The following ASIC2 variants were observed in gnomAD, a reference collection of about 807,000 sequenced individuals.
ASIC2 encodes the protein acid sensing ion channel subunit 2, also known as acid-sensing ion channel 2.
ASIC2 carries 25 observed loss-of-function variants against 57.3 expected under a neutral mutation model. The observed-to-expected ratio is 0.44, with a 90% CI of 0.32 to 0.61. ASIC2 has a LOEUF of 0.61. ASIC2 is among the 20% of genes least tolerant of loss of function. The probability of loss-of-function intolerance (pLI) is 0.06; values close to 1 mark genes in which losing one functional copy is unlikely to be tolerated. For synonymous variants in ASIC2, 319 were observed against 307.5 expected (o/e 1.04, Z -0.39); for missense variants, 641 against 738.1 (o/e 0.87, Z 1.52).
chr17:33,148,108 C>T (rs1050708114), intron 1 of ASIC2, among the ~76,000 whole-genome samples: 1 of 152,224 alleles, frequency 6.6e-6, no homozygotes, highest in African/African-American at 2.4e-5. Context: ...ATAACAACGC[C>T]TTGTCAGTAT....
At position 33,679,826 on chromosome 17, in the gene ASIC2, G is replaced by A. The variant is rs942773369; in HGVS notation, c.555+476152C>T. Among the ~76,000 whole-genome samples, 6 of 152,164 alleles carry A rather than the reference G, an allele frequency of 3.9e-5. No homozygotes were observed. In the South Asian group the frequency reaches 1.2e-3, roughly 32 times the overall value. On this transcript the variant is annotated intron_variant, in intron 1 of 9. Transcript: ENST00000359872. The stretch of plus-strand genomic sequence containing the variant: ...TTGTGCTTTTGGGGAGCAGAAAGAA[G>A]GTCACGGAAAAAAAACAGCGTGATT...
intron 1 of ASIC2, among the ~76,000 whole-genome samples, chr17:33,473,478 G>A (rs1008366242): frequency 2.0e-5 from 3 of 151,820 alleles, no homozygotes; most frequent in African/African-American, 4.8e-5. Flanking sequence ...CTTTGGAGGC[G>A]GGGACTTGGG....
At chr17:33,405,820 G>C (rs1375622326) in intron 1 of ASIC2, among the ~76,000 whole-genome samples, 2 of 152,100 alleles carry the variant, frequency 1.3e-5, no homozygotes, top group East Asian at 3.9e-4. Flanking sequence ...AACCAGTTCA[G>C]AGCCCATACC....
intron 1 of ASIC2, among the ~76,000 whole-genome samples, chr17:34,012,595 C>A (rs1202131306): frequency 2.0e-5 from 3 of 152,148 alleles, no homozygotes; most frequent in Admixed American, 6.5e-5. Context: ...GGGTTAAATG[C>A]CTCTTTCTGG....
chr17:33,174,561 C>T (rs1905662437), intron 1 of ASIC2, among the ~76,000 whole-genome samples: 1 of 152,178 alleles, frequency 6.6e-6, no homozygotes, highest in Admixed American at 6.5e-5. Context: ...GCGGAGCTCA[C>T]ATGCACATCT....
At chr17:33,658,407 T>C (rs1040178953) in intron 1 of ASIC2, among the ~76,000 whole-genome samples, 10 of 152,214 alleles carry the variant, frequency 6.6e-5, no homozygotes, top group African/African-American at 2.4e-4. Flanking sequence ...CTGTCCATTT[T>C]CTGTTACTGC....
At chr17:33,688,534 A>G (rs1223478968) in intron 1 of ASIC2, among the ~76,000 whole-genome samples, 3 of 152,246 alleles carry the variant, frequency 2.0e-5, no homozygotes, top group African/African-American at 7.2e-5. Context: ...TAGAACCCAC[A>G]GCCTGTCTCA....
intron 1 of ASIC2, among the ~76,000 whole-genome samples, chr17:33,590,424 T>A (rs1904788032): frequency 1.3e-5 from 2 of 152,168 alleles, no homozygotes; most frequent in African/African-American, 2.4e-5. Context: ...CCCAGCCCCC[T>A]GCACAGGTAC....
At chr17:34,020,855 C>T (rs150695224) in intron 1 of ASIC2, among the ~76,000 whole-genome samples, 27 of 152,282 alleles carry the variant, frequency 1.8e-4, no homozygotes, top group Non-Finnish European at 3.2e-4. Context: ...TTCTGACCTA[C>T]AGAAACTGAG....
intron 3 of ASIC2, among the ~76,000 whole-genome samples, chr17:33,066,728 G>C (rs1009293243): frequency 1.3e-5 from 2 of 152,144 alleles, no homozygotes. Flanking sequence ...TTTTGGAGGT[G>C]AGCTACCTGC....
intron 1 of ASIC2, among the ~76,000 whole-genome samples, chr17:33,375,607 A>T (rs1032055999): frequency 6.6e-6 from 1 of 152,186 alleles, no homozygotes; most frequent in African/African-American, 2.4e-5. Flanking sequence ...CAGTGGACTG[A>T]CTACCGGGAC....
At chr17:33,250,505 T>C (rs1017556333) in intron 1 of ASIC2, among the ~76,000 whole-genome samples, 5 of 152,228 alleles carry the variant, frequency 3.3e-5, no homozygotes, top group Admixed American at 6.5e-5. Flanking sequence ...GAAGAGGCCT[T>C]GGCTGCGAGT....
rs370486835 is a variant in ASIC2 at position 33,340,430 on chromosome 17, G to T, written c.556-228363C>A. Among the ~76,000 whole-genome samples, 4 of 152,268 alleles carry T rather than the reference G, an allele frequency of 2.6e-5. No individual in the cohort carries two copies. The South Asian group carries it at 8.3e-4, about 32-fold the overall frequency. On this transcript the variant is annotated intron_variant, in intron 1 of 9. Coordinates refer to the ASIC2 transcript ENST00000359872. ...AAATCTACCATAAATGTTGGATACT[G>T]CTCTCTTTTTTTTCTAGCAACTAGG...
intron 1 of ASIC2, among the ~76,000 whole-genome samples, chr17:34,014,355 A>T (rs901989720): frequency 6.6e-6 from 1 of 152,138 alleles, no homozygotes; most frequent in Non-Finnish European, 1.5e-5. Flanking sequence ...TGCTCTAACC[A>T]TTATGCCACT....
intron 1 of ASIC2, among the ~76,000 whole-genome samples, chr17:33,531,602 G>A (rs1915053380): frequency 6.6e-6 from 1 of 152,172 alleles, no homozygotes; most frequent in African/African-American, 2.4e-5. Flanking sequence ...AAATTGCAGG[G>A]AAGCCAATGT....
At chr17:34,003,055 C>T (rs1047641208) in intron 1 of ASIC2, 10 of 152,202 alleles carry the variant, frequency 6.6e-5, no homozygotes, top group Non-Finnish European at 1.2e-4. Context: ...GCTCTGGTCT[C>T]CTTGCTGGGA....
chr17:33,434,939 T>C (rs1377364809), intron 1 of ASIC2, among the ~76,000 whole-genome samples: 4 of 152,308 alleles, frequency 2.6e-5, no homozygotes, highest in East Asian at 1.9e-4. Flanking sequence ...GTGGTGGTAG[T>C]ATTTATATTG....
chr17:33,947,308 G>A (rs1279498216), intron 1 of ASIC2, among the ~76,000 whole-genome samples: 1 of 152,182 alleles, frequency 6.6e-6, no homozygotes, highest in Admixed American at 6.5e-5. Context: ...AGATTCTCCA[G>A]GAAAAGGAGT....
At chr17:33,611,704 G>C (rs1252801350) in intron 1 of ASIC2, among the ~76,000 whole-genome samples, 2 of 152,248 alleles carry the variant, frequency 1.3e-5, no homozygotes, top group Non-Finnish European at 2.9e-5. Flanking sequence ...AGTTAAGCTA[G>C]ATTGTGCAAG....
Sources: allele counts gnomAD v4.1 joint callset (sites outside exome capture counted in the v4.1 genomes callset), GRCh38; gene constraint gnomAD v4.1.1; transcripts MANE v1.5; gene names NCBI Gene and HGNC (gene_info 2026-07-23, HGNC 2026-07-21).